The following DYM variants were observed in gnomAD, a reference collection of about 807,000 sequenced individuals.
DYM encodes the protein dyggve-Melchior-Clausen syndrome protein.
A neutral mutation model predicts 93.1 loss-of-function variants in DYM; 78 were observed. That is an observed-to-expected ratio of 0.84 (90% CI 0.70 to 1.01). DYM has a LOEUF of 1.01. Among genes scored for constraint, DYM ranks in the 50% least tolerant of loss-of-function variants. The pLI, the probability that DYM is intolerant of heterozygous loss-of-function variation, is 0.00. For synonymous variants in DYM, 321 were observed against 319.7 expected, an observed-to-expected ratio of 1.00 and a Z score of -0.04; for missense variants, 789 against 845.0, an observed-to-expected ratio of 0.93 and a Z score of 0.82.
intron 13 of DYM, among the ~76,000 whole-genome samples, chr18:49,210,253 C>T (rs1005554320): frequency 7.9e-5 from 12 of 152,330 alleles, no homozygotes; most frequent in African/African-American, 2.9e-4. Context: ...CAAAAATCTG[C>T]ACACAGGTGT....
intron 15 of DYM, among the ~76,000 whole-genome samples, chr18:49,156,972 G>A (rs1736079532): frequency 6.6e-6 from 1 of 151,792 alleles, no homozygotes; most frequent in Non-Finnish European, 1.5e-5. Context: ...AGGAAAAGCA[G>A]CTGGTTGACA....
chr18:49,244,132 A>C (rs1390550904), intron 13 of DYM, among the ~76,000 whole-genome samples: 1 of 152,180 alleles, frequency 6.6e-6, no homozygotes, highest in Admixed American at 6.5e-5. Context: ...CTAAGAAGGC[A>C]AAAGTTTTGT....
chr18:49,277,570 T>G (rs1466573942), intron 10 of DYM, among the ~76,000 whole-genome samples: 1 of 151,992 alleles, frequency 6.6e-6, no homozygotes, highest in East Asian at 1.9e-4. Context: ...GTAACAGGGG[T>G]GGAGCCCTCA....
At chr18:49,351,786 A>G (rs1390727227) in intron 6 of DYM, among the ~76,000 whole-genome samples, 1 of 152,202 alleles carries the variant, frequency 6.6e-6, no homozygotes, top group Non-Finnish European at 1.5e-5. Context: ...ACAAGTAAGG[A>G]CTAATACTTT....
chr18:49,241,568 G>C (rs1341660352), intron 13 of DYM, among the ~76,000 whole-genome samples: 2 of 152,144 alleles, frequency 1.3e-5, no homozygotes, highest in African/African-American at 4.8e-5. Context: ...TCCATGTTTT[G>C]GAAGATGGTG....
At chr18:49,066,788 A>T (rs1018080245) in intron 17 of DYM, among the ~76,000 whole-genome samples, 3 of 151,952 alleles carry the variant, frequency 2.0e-5, no homozygotes, top group Admixed American at 2.0e-4. Context: ...CTTGCCCTAT[A>T]TCAAACCTTC....
At chr18:49,158,292 T>C (rs2086670052) in intron 15 of DYM, among the ~76,000 whole-genome samples, 1 of 152,246 alleles carries the variant, frequency 6.6e-6, no homozygotes, top group Non-Finnish European at 1.5e-5. Flanking sequence ...AACTATCCTG[T>C]AAGTAGGTAC....
At chr18:49,090,845 G>A (rs2078983797) in intron 17 of DYM, among the ~76,000 whole-genome samples, 2 of 152,164 alleles carry the variant, frequency 1.3e-5, no homozygotes, top group Non-Finnish European at 2.9e-5. Context: ...AGAAACTATT[G>A]AAAATTTAGT....
At chr18:49,233,606 TTCC>T (rs2093775065) in intron 13 of DYM, among the ~76,000 whole-genome samples, 1 of 152,176 alleles carries the variant, frequency 6.6e-6, no homozygotes, top group Non-Finnish European at 1.5e-5. Flanking sequence ...GTTTGCTGGT[TTCC>T]AATGATTAGA....
At chr18:49,251,681 T>C (rs1023138627) in intron 13 of DYM, among the ~76,000 whole-genome samples, 3 of 152,196 alleles carry the variant, frequency 2.0e-5, no homozygotes, top group Non-Finnish European at 4.4e-5. Flanking sequence ...AGATAGCAGC[T>C]GCTGCCGCTC....
In DYM at chr18:49,058,767, A is replaced by G. The variant is rs545580348; in HGVS notation, c.2026-14563T>C. On this transcript the variant is annotated intron_variant, in intron 17 of 17. Transcript: ENST00000675505. ...CATAAAACATTTTAAAGGATCTTTC[A>G]AAAGGAAATTCCAAATTTAAATAAT... Among the ~76,000 whole-genome samples the G allele has an allele frequency of 3.9e-4, 60 of 152,360 alleles. 1 individual carries two copies. Among genetic ancestry groups the G allele is most frequent in the African/African-American group, 1.4e-3 (57 of 41,582 alleles).
intron 14 of DYM, among the ~76,000 whole-genome samples, chr18:49,164,120 A>G (rs1285243393): frequency 6.6e-6 from 1 of 152,206 alleles, no homozygotes; most frequent in Non-Finnish European, 1.5e-5. Context: ...CTCATAGTGC[A>G]ATCTACTACA....
chr18:49,114,211 C>A (rs2081709606), intron 16 of DYM, among the ~76,000 whole-genome samples: 1 of 152,196 alleles, frequency 6.6e-6, no homozygotes, highest in African/African-American at 2.4e-5. Context: ...GATAATAATC[C>A]TAGCTCACAT....
chr18:49,193,282 C>T (rs943407204), intron 14 of DYM, among the ~76,000 whole-genome samples: 1 of 151,870 alleles, frequency 6.6e-6, no homozygotes, highest in Non-Finnish European at 1.5e-5. Context: ...TAGCTATTAT[C>T]ACCACTACTG....
At position 49,228,917 on chromosome 18, in the gene DYM, T is replaced by C. The variant is rs117981553; in HGVS notation, c.1461-19202A>G. ...GATGAAAAGGACACAGGTTCTTATT[T>C]ATCTCACATCTGAATAAACAGTTAT... On this transcript the variant is annotated intron_variant, in intron 13 of 17. Coordinates refer to ENST00000675505, the MANE Select transcript of DYM (RefSeq NM_001353214.3). 2.3e-4 allele frequency among the ~76,000 whole-genome samples: 35 copies of C among 152,262 alleles called. No homozygotes were observed. The East Asian group carries it at 6.0e-3, about 26-fold the overall frequency.
At chr18:49,428,732 G>A (rs2074537077) in intron 2 of DYM, among the ~76,000 whole-genome samples, 1 of 152,118 alleles carries the variant, frequency 6.6e-6, no homozygotes, top group Non-Finnish European at 1.5e-5. Context: ...TTGGGGGAGT[G>A]TCTGCTAATG....
chr18:49,104,559 T>C (rs2080567279), intron 16 of DYM, among the ~76,000 whole-genome samples: 3 of 152,198 alleles, frequency 2.0e-5, no homozygotes, highest in South Asian at 2.1e-4. Flanking sequence ...CTTTCATAGA[T>C]AGCTCTTATT....
intron 13 of DYM, among the ~76,000 whole-genome samples, chr18:49,219,493 T>G (rs1426891948): frequency 6.6e-6 from 1 of 152,032 alleles, no homozygotes; most frequent in South Asian, 2.1e-4. Context: ...TGAACATTGA[T>G]GCAAAAATCC....
chr18:49,267,362 G>T (rs2094587943), intron 11 of DYM, among the ~76,000 whole-genome samples: 1 of 152,018 alleles, frequency 6.6e-6, no homozygotes. Context: ...ATGTCCAAGT[G>T]CACTTTACCC....
Sources: gnomAD v4.1 joint callset for allele counts (sites outside exome capture counted in the v4.1 genomes callset) on GRCh38, gnomAD v4.1.1 for gene constraint, MANE v1.5 for transcripts, NCBI Gene and HGNC (gene_info 2026-07-23, HGNC 2026-07-21) for gene names.